The following PCDH15 variants were observed in gnomAD, a reference collection of about 807,000 sequenced individuals.
PCDH15 encodes protocadherin-15.
Under a neutral mutation model 178.5 loss-of-function variants are expected in PCDH15, and 129 were observed. The ratio of observed to expected loss-of-function variants is 0.72; its 90% CI spans 0.63 to 0.84. The LOEUF (loss-of-function observed/expected upper bound fraction) is 0.84, where lower values mean the gene tolerates loss of function less well. Ranked by LOEUF, PCDH15 falls within the 40% of genes least tolerant of loss-of-function variation. PCDH15 has a pLI of 0.00. For synonymous variants in PCDH15, 800 were observed against 732.0 expected, an observed-to-expected ratio of 1.09 and a Z score of -1.50; for missense variants, 2,230 against 2,099.9, an observed-to-expected ratio of 1.06 and a Z score of -1.21.
intron 11 of PCDH15, among the ~76,000 whole-genome samples, chr10:54,187,413 GTATAA>G (rs2048573664): frequency 1.3e-5 from 2 of 152,000 alleles, no homozygotes; most frequent in African/African-American, 2.4e-5. Flanking sequence ...TGTGACTGTA[GTATAA>G]TATGTTTGTG....
chr10:55,116,293 TTA>T (rs1411591273), intron 2 of PCDH15, among the ~76,000 whole-genome samples: 1 of 152,198 alleles, frequency 6.6e-6, no homozygotes, highest in Non-Finnish European at 1.5e-5. Flanking sequence ...TTAAGATTAT[TTA>T]CAATAACCAG....
rs192589891 is a variant in PCDH15, at chr10:53,855,292, C to T, written c.3806+1883G>A. Among the ~76,000 whole-genome samples, 16 of 151,920 alleles carry T rather than the reference C, an allele frequency of 1.1e-4. No individual in the cohort carries two copies. In the East Asian group the frequency reaches 2.7e-3, roughly 26 times the overall value. Reference sequence around the variant, plus strand: ...GTATCATTTCTTACATAATAGACAACGGAATCAGAGAAAGCCTGTCTCAAT... The same window carrying T: ...GTATCATTTCTTACATAATAGACAATGGAATCAGAGAAAGCCTGTCTCAAT... On this transcript the variant is annotated intron_variant, in intron 28 of 37. Coordinates refer to ENST00000644397, the MANE Select transcript of PCDH15 (RefSeq NM_001384140.1).
rs2076391223 is a variant in PCDH15, at chr10:53,822,868, C to CTCTT, written c.4368-2642_4368-2639dup. The CTCTT allele has an allele frequency of 6.2e-7, 1 of 1,614,026 alleles. No homozygotes were observed. On this transcript the variant is annotated intron_variant, in intron 32 of 37. Transcript: ENST00000644397. The stretch of plus-strand genomic sequence containing the variant: ...GTTGTAAGCAATGGATTGCTGCTAC[C>CTCTT]TCTTTTGTTTGTACAGATTCCAGTG...
intron 2 of PCDH15, among the ~76,000 whole-genome samples, chr10:55,440,076 TA>T (rs1358541679): frequency 5.9e-5 from 9 of 152,130 alleles, no homozygotes; most frequent in Non-Finnish European, 1.0e-4. Flanking sequence ...CGCTGTTATA[TA>T]AAAGACACAT....
intron 20 of PCDH15, among the ~76,000 whole-genome samples, chr10:53,996,286 G>T (rs553103563): frequency 3.5e-4 from 54 of 152,136 alleles, no homozygotes; most frequent in Non-Finnish European, 5.7e-4. Flanking sequence ...GATTTTCTCT[G>T]CAGCGCACTA....
At chr10:54,124,607 A>C (rs2132928265) in intron 15 of PCDH15, among the ~76,000 whole-genome samples, 1 of 152,366 alleles carries the variant, frequency 6.6e-6, no homozygotes, top group South Asian at 2.1e-4. Flanking sequence ...CTTTGATTGC[A>C]AAAGAGCAAA....
At chr10:54,078,754 A>AT (rs34613457) in intron 17 of PCDH15, among the ~76,000 whole-genome samples, 89,337 of 148,716 alleles carry the variant, frequency 0.6, 27,575 homozygotes, top group Middle Eastern at 0.7. Context: ...ATGTCTAACA[A>AT]TTTTTTTTTT....
At chr10:53,841,306 T>C (rs117417656) in intron 28 of PCDH15, among the ~76,000 whole-genome samples, 3,409 of 152,198 alleles carry the variant, frequency 0.022, 51 homozygotes, top group Non-Finnish European at 0.035. Flanking sequence ...ATTTAAATAA[T>C]TTTAATTACT....
At chr10:55,314,669 T>C (rs941509693) in intron 1 of PCDH15, among the ~76,000 whole-genome samples, 5 of 152,208 alleles carry the variant, frequency 3.3e-5, no homozygotes, top group Non-Finnish European at 7.4e-5. Flanking sequence ...GTTATATTTC[T>C]TAAAATCCAA....
At chr10:54,984,302 C>T (rs1839312653) in intron 2 of PCDH15, among the ~76,000 whole-genome samples, 1 of 152,136 alleles carries the variant, frequency 6.6e-6, no homozygotes, top group Admixed American at 6.5e-5. Context: ...AGCTCCTCTC[C>T]CCACGCAAGT....
intron 8 of PCDH15, among the ~76,000 whole-genome samples, chr10:54,242,130 TTATATATATATATATA>T (rs57729172): frequency 0.011 from 356 of 31,674 alleles, 6 homozygotes; most frequent in African/African-American, 0.024. Context: ...AATTCTATTT[TTATATATATATATATA>T]TATATATATA....
chr10:54,086,445 A>G (rs2094518232), intron 16 of PCDH15, among the ~76,000 whole-genome samples: 1 of 152,174 alleles, frequency 6.6e-6, no homozygotes, highest in Non-Finnish European at 1.5e-5. Context: ...TGGAGTGTCA[A>G]ATATCCAAAC....
intron 1 of PCDH15, among the ~76,000 whole-genome samples, chr10:55,273,984 A>T (rs1376298418): frequency 6.6e-6 from 1 of 152,138 alleles, no homozygotes; most frequent in African/African-American, 2.4e-5. Context: ...CACAATGTGT[A>T]TGTACACATG....
At chr10:54,024,049 A>G (rs998681258) in intron 18 of PCDH15, among the ~76,000 whole-genome samples, 6 of 152,190 alleles carry the variant, frequency 3.9e-5, no homozygotes, top group Non-Finnish European at 8.8e-5. Flanking sequence ...ACATCTCTGC[A>G]TAAGTAAGAA....
At chr10:54,487,658 A>G (rs1489999321) in intron 3 of PCDH15, among the ~76,000 whole-genome samples, 1 of 152,040 alleles carries the variant, frequency 6.6e-6, no homozygotes, top group African/African-American at 2.4e-5. Context: ...CTATCCGTAC[A>G]TCAATATCTA....
chr10:54,383,441 CTG>C (rs1399171401), intron 3 of PCDH15, among the ~76,000 whole-genome samples: 1 of 152,054 alleles, frequency 6.6e-6, no homozygotes, highest in African/African-American at 2.4e-5. Flanking sequence ...CATTTGCTGA[CTG>C]TATTAACTGG....
intron 2 of PCDH15, among the ~76,000 whole-genome samples, chr10:55,466,629 G>C (rs557970216): frequency 4.6e-5 from 7 of 152,068 alleles, no homozygotes; most frequent in Non-Finnish European, 1.0e-4. Context: ...AGAAAAATTG[G>C]AATGGAGAAG....
intron 1 of PCDH15, among the ~76,000 whole-genome samples, chr10:54,780,125 G>T (rs1261828402): frequency 6.6e-6 from 1 of 152,152 alleles, no homozygotes. Flanking sequence ...TGTCATTCAT[G>T]TAAGATAAGT....
At chr10:53,854,890 A>T (rs2132994748) in intron 28 of PCDH15, among the ~76,000 whole-genome samples, 1 of 152,198 alleles carries the variant, frequency 6.6e-6, no homozygotes, top group Middle Eastern at 3.4e-3. Flanking sequence ...AGTTTTATGA[A>T]GTCAGAGCTT....
Sources: allele counts gnomAD v4.1 joint callset (sites outside exome capture counted in the v4.1 genomes callset), GRCh38; gene constraint gnomAD v4.1.1; transcripts MANE v1.5; gene names NCBI Gene and HGNC (gene_info 2026-07-23, HGNC 2026-07-21).